CLHC1: variants seen among roughly 807,000 people sequenced by gnomAD.
The protein encoded by CLHC1 is clathrin heavy chain linker domain-containing protein 1.
A neutral mutation model predicts 69.5 loss-of-function variants in CLHC1; 72 were observed. The ratio of observed to expected loss-of-function variants is 1.04; its 90% CI spans 0.86 to 1.26. CLHC1 has a LOEUF of 1.26. Ranked by LOEUF, CLHC1 falls within the 50% of genes most tolerant of loss-of-function variation. The pLI is 0.00. For synonymous variants in CLHC1, 223 were observed against 224.3 expected (o/e 0.99, Z 0.05); for missense variants, 790 against 679.3 (o/e 1.16, Z -1.81).
intron 8 of CLHC1, chr2:55,206,808 T>C (rs781667507): frequency 1.2e-5 from 2 of 172,392 alleles, no homozygotes; most frequent in African/African-American, 2.4e-5. Flanking sequence ...TAATTGAAGA[T>C]AGAACCTACC....
intron 10 of CLHC1, among the ~76,000 whole-genome samples, chr2:55,181,084 G>A (rs1669891950): frequency 6.6e-6 from 1 of 152,066 alleles, no homozygotes; most frequent in African/African-American, 2.4e-5. Context: ...TGGTTCACAC[G>A]ATTCTCCTGC....
chr2:55,227,208 T>G (rs1171452348), intron 2 of CLHC1, among the ~76,000 whole-genome samples: 1 of 152,196 alleles, frequency 6.6e-6, no homozygotes, highest in Non-Finnish European at 1.5e-5. Context: ...TTAATCAAGT[T>G]TTCCTAAATG....
chr2:55,195,529 T>C (rs1373380076), intron 9 of CLHC1, among the ~76,000 whole-genome samples: 1 of 152,116 alleles, frequency 6.6e-6, no homozygotes, highest in Non-Finnish European at 1.5e-5. Flanking sequence ...TGGCCGGGCA[T>C]GGCGGCTCAC....
At chr2:55,200,710 C>A (rs1558479520) in intron 9 of CLHC1, among the ~76,000 whole-genome samples, 2 of 152,150 alleles carry the variant, frequency 1.3e-5, no homozygotes, top group Admixed American at 6.6e-5. Flanking sequence ...ACGTATCACC[C>A]AACAGCTGAA....
rs376628708 is a variant in CLHC1, at chr2:55,222,814, G to A, written c.-82-321C>T. On this transcript the variant is annotated intron_variant, in intron 2 of 12. Transcript: ENST00000401408. The stretch of plus-strand genomic sequence containing the variant: ...CGCATGCCTGTAATCCCAGCTACTC[G>A]GGAGGCTGAGGCAGGAGGATCGCTT... Among the ~76,000 whole-genome samples the A allele has an allele frequency of 2.5e-3, 378 of 151,938 alleles. 1 individual carries two copies. Among genetic ancestry groups the A allele is most frequent in the African/African-American group, 8.8e-3 (366 of 41,402 alleles).
Position 55,230,463 on chromosome 2 carries a change from A to G in CLHC1, c.-256+1760T>C, listed in dbSNP as rs540730618. On this transcript the variant is annotated intron_variant, in intron 1 of 12. Transcript: ENST00000401408. ...GGATATGTGAAGATGAAGTTGTGAC[A>G]TATCTGTGACATATCTGGTCTGACA... Among the ~76,000 whole-genome samples the G allele has an allele frequency of 9.2e-5, 14 of 152,318 alleles. 1 individual carries two copies. Among genetic ancestry groups the G allele is most frequent in the Middle Eastern group, 6.8e-3 (2 of 294 alleles).
Position 55,175,841 on chromosome 2 carries a change from T to A in CLHC1, c.1710A>T (p.Glu570Asp), listed in dbSNP as rs577434792. 2 of 1,614,084 alleles carry A rather than the reference T, an allele frequency of 1.2e-6. No homozygotes were observed. The highest frequency in any genetic ancestry group is 2.2e-5 in the South Asian group (2 of 91,080). Residue 570 changes from glutamate to aspartate, a missense_variant, in exon 13 of 13, where the codon GAA becomes GAT. Glu to Asp is a conservative substitution (Grantham distance 45, BLOSUM62 2). Transcript: ENST00000401408. Reference protein sequence around the residue: ...SILRSQAAVTEISEEDDAVNL... With the variant: ...SILRSQAAVTDISEEDDAVNL... ...TGACTGCGTCATCCTCTTCAGAAAT[T>A]TCTGTAACTGCAGCCTGAGATCGAA... is the stretch of plus-strand genomic sequence containing the variant.
At chr2:55,184,535 A>C (rs1337659853) in intron 9 of CLHC1, among the ~76,000 whole-genome samples, 2 of 152,214 alleles carry the variant, frequency 1.3e-5, no homozygotes, top group East Asian at 3.8e-4. Context: ...CCAACATTTT[A>C]TAACATTCTA....
intron 1 of CLHC1, among the ~76,000 whole-genome samples, chr2:55,230,386 C>T (rs970510288): frequency 6.6e-6 from 1 of 152,172 alleles, no homozygotes; most frequent in Non-Finnish European, 1.5e-5. Context: ...AGAGCAATTT[C>T]ATGAGATTAA....
chr2:55,183,474 GT>G (rs1312678442), intron 9 of CLHC1, among the ~76,000 whole-genome samples: 2 of 152,190 alleles, frequency 1.3e-5, no homozygotes, highest in African/African-American at 4.8e-5. Flanking sequence ...CTATGATCCA[GT>G]TTCATAGATC....
intron 5 of CLHC1, among the ~76,000 whole-genome samples, chr2:55,211,448 G>A (rs1236095309): frequency 7.0e-6 from 1 of 143,022 alleles, no homozygotes; most frequent in African/African-American, 2.6e-5. Flanking sequence ...CTTGCAGTGA[G>A]CCAAGATCAG....
intron 9 of CLHC1, among the ~76,000 whole-genome samples, chr2:55,189,702 T>C (rs550763491): frequency 2.0e-5 from 3 of 152,286 alleles, no homozygotes; most frequent in African/African-American, 7.2e-5. Flanking sequence ...CAGAGATCTG[T>C]ACAGCGTTCC....
intron 5 of CLHC1, among the ~76,000 whole-genome samples, chr2:55,212,234 A>G (rs1183763010): frequency 6.6e-6 from 1 of 152,170 alleles, no homozygotes; most frequent in East Asian, 1.9e-4. Context: ...CCGAGATCAC[A>G]CCACTGCACA....
Position 55,173,435 on chromosome 2 carries a change from G to T in CLHC1, c.*2355C>A, listed in dbSNP as rs1238937945. Among the ~76,000 whole-genome samples the T allele has an allele frequency of 6.6e-6, 1 of 152,194 alleles. No individual in the cohort carries two copies. Among genetic ancestry groups the T allele is most frequent in the Non-Finnish European group, 1.5e-5 (1 of 68,048 alleles). On this transcript the variant is annotated 3_prime_UTR_variant, in exon 13 of 13. Coordinates refer to ENST00000401408, the MANE Select transcript of CLHC1 (RefSeq NM_152385.4). Reference sequence around the variant, plus strand: ...TTGAATTGTAGTATTTGAAATTTAGGCTGAAGGTCAAGAAGCATTGGGAAA... The same window carrying T: ...TTGAATTGTAGTATTTGAAATTTAGTCTGAAGGTCAAGAAGCATTGGGAAA...
intron 7 of CLHC1, 142 bp downstream of exon 7, chr2:55,209,262 A>C (rs776175821): frequency 3.3e-6 from 2 of 600,922 alleles, no homozygotes; most frequent in Non-Finnish European, 3.0e-6. Context: ...TGTTGAAGGA[A>C]GAAACCCATA....
At chr2:55,214,746 G>C (rs1024105193) in intron 4 of CLHC1, 1 of 152,158 alleles carries the variant, frequency 6.6e-6, no homozygotes, top group Non-Finnish European at 1.5e-5. Context: ...GCAGATACTT[G>C]TATATGAATT....
intron 4 of CLHC1, among the ~76,000 whole-genome samples, chr2:55,214,036 T>TG: frequency 6.6e-6 from 1 of 152,072 alleles, no homozygotes; most frequent in Non-Finnish European, 1.5e-5. Flanking sequence ...ATGTCATGGA[T>TG]GGGGGGTTCT....
At chr2:55,182,354 C>T (rs1372422886) in intron 9 of CLHC1, among the ~76,000 whole-genome samples, 1 of 152,126 alleles carries the variant, frequency 6.6e-6, no homozygotes, top group Non-Finnish European at 1.5e-5. Context: ...CTGAAATTTA[C>T]ATGTAGATTC....
At chr2:55,217,544 AAAAAAAAAATATATATAT>A (rs1253167186) in intron 4 of CLHC1, among the ~76,000 whole-genome samples, 2 of 82,998 alleles carry the variant, frequency 2.4e-5, no homozygotes, top group African/African-American at 1.3e-4. Flanking sequence ...AAAAAAAAAA[AAAAAAAAAATATATATAT>A]ATATATATAT....
Sources: allele counts gnomAD v4.1 joint callset (sites outside exome capture counted in the v4.1 genomes callset), GRCh38; gene constraint gnomAD v4.1.1; transcripts MANE v1.5; gene names NCBI Gene and HGNC (gene_info 2026-07-23, HGNC 2026-07-21).